PTK2B: variants seen among roughly 807,000 people sequenced by gnomAD.
PTK2B encodes the protein protein tyrosine kinase 2 beta, also known as protein-tyrosine kinase 2-beta.
Under a neutral mutation model 142.9 loss-of-function variants are expected in PTK2B, and 71 were observed. That is an observed-to-expected ratio of 0.50 (90% CI 0.41 to 0.61). The LOEUF (loss-of-function observed/expected upper bound fraction) is 0.61. Among genes scored for constraint, PTK2B ranks in the 20% least tolerant of loss-of-function variants. The pLI is 0.00. For synonymous variants in PTK2B, 519 were observed against 503.4 expected, an observed-to-expected ratio of 1.03 and a Z score of -0.42; for missense variants, 1,105 against 1,320.4, an observed-to-expected ratio of 0.84 and a Z score of 2.53.
rs1389200160 is a variant in PTK2B at position 27,319,506 on chromosome 8, C to T, written c.-413-2896C>T. On this transcript the variant is annotated intron_variant, in intron 3 of 35. Coordinates refer to the PTK2B transcript ENST00000397501. ...AAATACAAAAAAAATTAGCCAGGCCCGGTGGCGGGCGCCTGTAGTCCCAGC... is the reference window on the plus strand; with the variant it reads ...AAATACAAAAAAAATTAGCCAGGCCTGGTGGCGGGCGCCTGTAGTCCCAGC... Among the ~76,000 whole-genome samples the T allele has an allele frequency of 7.3e-5, 11 of 151,586 alleles. No homozygotes were observed. In the East Asian group the frequency reaches 7.8e-4, roughly 11 times the overall value.
chr8:27,331,924 T>C (rs999473461), intron 1 of PTK2B, among the ~76,000 whole-genome samples: 1 of 152,192 alleles, frequency 6.6e-6, no homozygotes, highest in Admixed American at 6.5e-5. Context: ...CCCAGCTCCA[T>C]GTACCCAGTC....
intron 1 of PTK2B, among the ~76,000 whole-genome samples, chr8:27,355,358 G>A (rs1375225200): frequency 6.6e-6 from 1 of 152,136 alleles, no homozygotes; most frequent in Non-Finnish European, 1.5e-5. Context: ...GAGAGAGATT[G>A]TAAGGCACTA....
chr8:27,361,555 C>A (rs1020107747), intron 1 of PTK2B, among the ~76,000 whole-genome samples: 18 of 152,084 alleles, frequency 1.2e-4, no homozygotes, highest in African/African-American at 4.1e-4. Context: ...AAGAGCGAGC[C>A]CTGGACTGGG....
intron 21 of PTK2B, 40 bp from the exon 22 acceptor site, chr8:27,442,835 T>G: frequency 1.0e-5 from 16 of 1,564,552 alleles, no homozygotes; most frequent in Non-Finnish European, 1.4e-5. Flanking sequence ...CGTCTCACTT[T>G]GACCTAGTTT....
intron 1 of PTK2B, among the ~76,000 whole-genome samples, chr8:27,328,961 G>C (rs1413849585): frequency 6.8e-6 from 1 of 146,632 alleles, no homozygotes; most frequent in Non-Finnish European, 1.5e-5. Flanking sequence ...TTTTTGAGAT[G>C]GAGTCTCACT....
chr8:27,311,395 AGGGG>A, upstream of PTK2B: 5 of 823,480 alleles, frequency 6.1e-6, no homozygotes, highest in Non-Finnish European at 8.8e-6. Flanking sequence ...GGGGATGGCG[AGGGG>A]GAGGGAGGGG....
chr8:27,453,272 T>G lies in PTK2B; in HGVS notation c.2595+112T>G, dbSNP rs1405162674. On this transcript the variant is annotated intron_variant, in intron 28 of 30. Transcript: ENST00000346049. The stretch of plus-strand genomic sequence containing the variant: ...TCAGATAGAATCCAGTTCAGTGTCC[T>G]CATGATACAGATGAAGCCCGGGGTT... The G allele has an allele frequency of 3.8e-5, 54 of 1,419,964 alleles. No homozygotes were observed. In the Admixed American group the frequency reaches 4.9e-4, roughly 13 times the overall value. The allele number at this position is 1,419,964 out of a possible 1,614,324, so 88.0% of individuals were successfully genotyped here.
chr8:27,349,287 C>T (rs1368448627), intron 1 of PTK2B, among the ~76,000 whole-genome samples: 1 of 152,174 alleles, frequency 6.6e-6, no homozygotes, highest in African/African-American at 2.4e-5. Flanking sequence ...GGTCAAGTTT[C>T]TTTAACCTCT....
At chr8:27,334,726 AGCGCTTCCTCATT>A (rs1803955282) in intron 1 of PTK2B, among the ~76,000 whole-genome samples, 1 of 152,136 alleles carries the variant, frequency 6.6e-6, no homozygotes, top group Admixed American at 6.5e-5. Flanking sequence ...TGAGCCAGAC[AGCGCTTCCTCATT>A]CCCCGCAGTG....
intron 30 of PTK2B, among the ~76,000 whole-genome samples, chr8:27,456,168 G>A (rs1463323700): frequency 6.6e-6 from 1 of 152,226 alleles, no homozygotes; most frequent in Non-Finnish European, 1.5e-5. Context: ...CACCAGCTAT[G>A]AACAGGCACA....
chr8:27,336,618 C>G (rs1804080287), intron 1 of PTK2B, among the ~76,000 whole-genome samples: 1 of 152,212 alleles, frequency 6.6e-6, no homozygotes, highest in South Asian at 2.1e-4. Context: ...CATTTTCAAT[C>G]ACATGCTAAT....
intron 2 of PTK2B, among the ~76,000 whole-genome samples, chr8:27,402,507 C>T (rs1415376952): frequency 6.6e-6 from 1 of 152,182 alleles, no homozygotes; most frequent in Non-Finnish European, 1.5e-5. Context: ...TGAAGCATGG[C>T]TGTGAATGAG....
intron 11 of PTK2B, among the ~76,000 whole-genome samples, 192 bp downstream of exon 11, chr8:27,433,744 T>C (rs1478706568): frequency 6.6e-6 from 1 of 152,200 alleles, no homozygotes; most frequent in Admixed American, 6.5e-5. Flanking sequence ...CCCACAGCCC[T>C]GCTAATCAAG....
upstream of PTK2B, chr8:27,311,453 C>G (rs891599439): frequency 3.2e-6 from 2 of 618,260 alleles, no homozygotes; most frequent in South Asian, 2.3e-5. Context: ...CGCGGGAAAT[C>G]TTGGGAGAGC....
At chr8:27,385,173 C>T (rs1807271256) in intron 1 of PTK2B, among the ~76,000 whole-genome samples, 1 of 152,152 alleles carries the variant, frequency 6.6e-6, no homozygotes, top group Non-Finnish European at 1.5e-5. Flanking sequence ...TTAGGATGGA[C>T]TGGGCTCATT....
intron 2 of PTK2B, among the ~76,000 whole-genome samples, chr8:27,414,618 G>T (rs1379941387): frequency 1.3e-5 from 2 of 152,276 alleles, no homozygotes; most frequent in Admixed American, 1.3e-4. Flanking sequence ...GTGTGTGTGT[G>T]TGTATCTCTT....
chr8:27,432,507 A>G, intron 10 of PTK2B, 146 bp downstream of exon 10: 2 of 684,740 alleles, frequency 2.9e-6, no homozygotes, highest in Admixed American at 5.8e-5. Flanking sequence ...AAACTGCACC[A>G]AGTTCTTAGA....
At chr8:27,314,252 T>G in intron 3 of PTK2B, among the ~76,000 whole-genome samples, 1 of 152,256 alleles carries the variant, frequency 6.6e-6, no homozygotes, top group Non-Finnish European at 1.5e-5. Context: ...GTCTTCATTC[T>G]GAAGGCTCCC....
In PTK2B at chr8:27,435,832, C is replaced by T. The variant is rs556490243; in HGVS notation, c.1243+39C>T. 11 of 1,600,302 alleles carry T rather than the reference C, an allele frequency of 6.9e-6. No homozygotes were observed. In the East Asian group the frequency reaches 1.8e-4, roughly 26 times the overall value. ...CCCGCCACAGCGACCGTAGTCAAGG[C>T]CCTGTGAAATGACATGGCAAGGACT... On this transcript the variant is annotated intron_variant, in intron 14 of 30. Transcript: ENST00000346049.
Sources: gnomAD v4.1 joint callset for allele counts (sites outside exome capture counted in the v4.1 genomes callset) on GRCh38, gnomAD v4.1.1 for gene constraint, MANE v1.5 for transcripts, NCBI Gene and HGNC (gene_info 2026-07-23, HGNC 2026-07-21) for gene names.